Variants in PBK observed in about 807,000 individuals in gnomAD.
The protein encoded by PBK is PDZ binding kinase, also known as lymphokine-activated killer T-cell-originated protein kinase.
Under a neutral mutation model 33.5 loss-of-function variants are expected in PBK, and 22 were observed. That is an observed-to-expected ratio of 0.66 (90% CI 0.47 to 0.94). PBK has a LOEUF of 0.94. Ranked by LOEUF, PBK falls within the 40% of genes least tolerant of loss-of-function variation. PBK has a pLI of 0.00. For synonymous variants in PBK, 129 were observed against 123.8 expected, an observed-to-expected ratio of 1.04 and a Z score of -0.28; for missense variants, 376 against 383.4, an observed-to-expected ratio of 0.98 and a Z score of 0.16.
At chr8:27,813,026 TG>T (rs1178580945) in intron 6 of PBK, among the ~76,000 whole-genome samples, 1 of 152,366 alleles carries the variant, frequency 6.6e-6, no homozygotes, top group African/African-American at 2.4e-5. Flanking sequence ...TACACGTTTA[TG>T]TTTATTGTGG....
intron 6 of PBK, among the ~76,000 whole-genome samples, chr8:27,820,222 C>T (rs546942980): frequency 4.8e-4 from 73 of 152,274 alleles, no homozygotes; most frequent in African/African-American, 1.7e-3. Context: ...TGTCACTTTA[C>T]TCATGCTAAA....
intron 6 of PBK, among the ~76,000 whole-genome samples, chr8:27,816,802 T>C (rs1255820907): frequency 6.6e-6 from 1 of 152,164 alleles, no homozygotes; most frequent in Non-Finnish European, 1.5e-5. Flanking sequence ...TTTTATACTC[T>C]GTTTATCTCA....
At chr8:27,821,768 A>C (rs1805933457) in intron 5 of PBK, among the ~76,000 whole-genome samples, 1 of 152,186 alleles carries the variant, frequency 6.6e-6, no homozygotes, top group African/African-American at 2.4e-5. Flanking sequence ...AGCATACATA[A>C]ATTGTTGAGA....
intron 5 of PBK, among the ~76,000 whole-genome samples, chr8:27,821,521 A>C (rs1291312268): frequency 6.6e-6 from 1 of 152,170 alleles, no homozygotes; most frequent in Non-Finnish European, 1.5e-5. Context: ...TGGCCTCCCA[A>C]AGTGCTGGGA....
chr8:27,820,338 T>C (rs769902330), intron 6 of PBK, among the ~76,000 whole-genome samples: 3 of 152,154 alleles, frequency 2.0e-5, no homozygotes, highest in Non-Finnish European at 2.9e-5. Flanking sequence ...ATAACTCCAG[T>C]TAAAATATAT....
At position 27,828,094 on chromosome 8, in the gene PBK, C is replaced by A; in HGVS notation, c.152+11G>T. 7.8e-7 allele frequency: 1 copy of A among 1,283,628 alleles called. No individual in the cohort carries two copies. The allele number at this position is 1,283,628 out of a possible 1,614,324, so 79.5% of individuals were successfully genotyped here. ...GCATGAAAAAAGGTTAATCTGAAAT[C>A]TTATACTTACCTTTTCATTAGGTAC... On this transcript the variant is annotated intron_variant, in intron 3 of 7. Coordinates refer to ENST00000301905, the MANE Select transcript of PBK (RefSeq NM_018492.4).
intron 6 of PBK, among the ~76,000 whole-genome samples, chr8:27,816,353 ATATATTTATT>A (rs1347503380): frequency 1.4e-5 from 2 of 141,660 alleles, no homozygotes; most frequent in African/African-American, 5.4e-5. Context: ...CTATATATAT[ATATATTTATT>A]TATTTATTTA....
chr8:27,811,335 G>A (rs1332132533), intron 6 of PBK: 4 of 606,298 alleles, frequency 6.6e-6, no homozygotes, highest in Non-Finnish European at 1.2e-5. Context: ...CTGGTCAGTT[G>A]GCAGGTATGT....
At chr8:27,837,485 GGGTGGA>G (rs928262643) in intron 1 of PBK, among the ~76,000 whole-genome samples, 161 bp downstream of exon 1, 1 of 152,200 alleles carries the variant, frequency 6.6e-6, no homozygotes, top group Non-Finnish European at 1.5e-5. Flanking sequence ...CAGGGTTCGG[GGGTGGA>G]GGTCAGACTG....
Position 27,820,704 on chromosome 8 carries a change from TA to T in PBK, c.466-11del, listed in dbSNP as rs200184567. The stretch of plus-strand genomic sequence containing the variant: ...TTTCTTGGTGCAGATACTAAAATAG[TA>T]AAAAATTTAACACATATGTGCAGAA... On this transcript the variant is annotated splice_polypyrimidine_tract_variant and intron_variant, in intron 5 of 7. Coordinates refer to ENST00000301905, the MANE Select transcript of PBK (RefSeq NM_018492.4). 1 of 1,477,702 alleles carries T rather than the reference TA, an allele frequency of 6.8e-7. No individual in the cohort carries two copies. The highest frequency in any genetic ancestry group is 9.2e-7 in the Non-Finnish European group (1 of 1,085,474). 91.5% of individuals were successfully genotyped at this position (1,477,702 alleles called of 1,614,324 possible). A position where few individuals can be genotyped will look rare whatever the true frequency, so the allele number is the denominator to read the frequency against.
At chr8:27,828,298 T>C (rs1343306319) in intron 2 of PBK, 100 bp from the exon 3 acceptor site, 2 of 528,680 alleles carry the variant, frequency 3.8e-6, no homozygotes, top group Non-Finnish European at 6.6e-6. Flanking sequence ...ATTGGCACAG[T>C]CTTTTTGGAG....
At chr8:27,820,781 T>G in intron 5 of PBK, 87 bp from the exon 6 acceptor site, 2 of 684,788 alleles carry the variant, frequency 2.9e-6, no homozygotes, top group Non-Finnish European at 4.7e-6. Flanking sequence ...CAACTTGAAC[T>G]CCCTTCCTAA....
At chr8:27,822,232 A>G (rs1252869563) in intron 5 of PBK, 87 bp downstream of exon 5, 3 of 997,836 alleles carry the variant, frequency 3.0e-6, no homozygotes, top group African/African-American at 1.7e-5. Flanking sequence ...ATCCATCCAC[A>G]TTCAAAGATG....
chr8:27,815,469 A>G (rs1805791762), intron 6 of PBK, among the ~76,000 whole-genome samples: 1 of 152,204 alleles, frequency 6.6e-6, no homozygotes, highest in South Asian at 2.1e-4. Flanking sequence ...AGCTCCTTAA[A>G]GGTTTTCCCC....
At chr8:27,811,222 CAAGTA>C in intron 6 of PBK, 88 bp from the exon 7 acceptor site, 1 of 1,103,132 alleles carries the variant, frequency 9.1e-7, no homozygotes, top group Non-Finnish European at 1.4e-6. Flanking sequence ...ACGATTTGAA[CAAGTA>C]GTTCACAGGT....
chr8:27,836,814 G>A (rs1585439357), intron 1 of PBK, among the ~76,000 whole-genome samples: 2 of 152,092 alleles, frequency 1.3e-5, no homozygotes, highest in African/African-American at 4.8e-5. Flanking sequence ...GTTCTCTTAC[G>A]ACTGAGTCCC....
At chr8:27,812,264 C>T (rs1805702122) in intron 6 of PBK, 1 of 151,664 alleles carries the variant, frequency 6.6e-6, no homozygotes, top group African/African-American at 2.4e-5. Context: ...ACTTTTAAAT[C>T]AAGAATGGAT....
chr8:27,815,475 TC>T (rs1226533274), intron 6 of PBK, among the ~76,000 whole-genome samples: 14 of 152,298 alleles, frequency 9.2e-5, no homozygotes, highest in Non-Finnish European at 1.8e-4. Flanking sequence ...TTAAAGGTTT[TC>T]CCCTATACTG....
chr8:27,831,050 C>G (rs529560060), intron 2 of PBK, among the ~76,000 whole-genome samples: 6 of 152,170 alleles, frequency 3.9e-5, no homozygotes, highest in Non-Finnish European at 8.8e-5. Flanking sequence ...ATGGTAATCC[C>G]AACACTTTGG....
Sources: allele counts gnomAD v4.1 joint callset (sites outside exome capture counted in the v4.1 genomes callset), GRCh38; gene constraint gnomAD v4.1.1; transcripts MANE v1.5; gene names NCBI Gene and HGNC (gene_info 2026-07-23, HGNC 2026-07-21).